NSD2: variants seen among roughly 807,000 people sequenced by gnomAD.
The protein encoded by NSD2 is histone-lysine N-methyltransferase NSD2.
A neutral mutation model predicts 139.0 loss-of-function variants in NSD2; 12 were observed. The ratio of observed to expected loss-of-function variants is 0.09; its 90% CI spans 0.06 to 0.14. NSD2 has a LOEUF of 0.14. NSD2 is among the 10% of genes least tolerant of loss of function. The pLI is 1.00. For synonymous variants in NSD2, 669 were observed against 648.7 expected (o/e 1.03, Z -0.48); for missense variants, 1,155 against 1,745.0 (o/e 0.66, Z 6.02).
At chr4:1,905,440 C>G (rs946487912) in intron 3 of NSD2, among the ~76,000 whole-genome samples, 2 of 152,238 alleles carry the variant, frequency 1.3e-5, no homozygotes, top group Admixed American at 1.3e-4. Context: ...CTTATGGCCC[C>G]TTGGTGGTCC....
Position 1,930,810 on chromosome 4 carries a change from A to G in NSD2, c.1555+40A>G. ...ATGCTGATGTCCTCTGCTTGGGTTGATGTGTGTAGTGTAGCAAGCTGAGCT... is the reference window on the plus strand; with the variant it reads ...ATGCTGATGTCCTCTGCTTGGGTTGGTGTGTGTAGTGTAGCAAGCTGAGCT... On this transcript the variant is annotated intron_variant, in intron 6 of 21. Transcript: ENST00000508803. 7 of 1,593,902 alleles carry G rather than the reference A, an allele frequency of 4.4e-6. 1 individual carries two copies. In the South Asian group the frequency reaches 8.0e-5, roughly 18 times the overall value.
At chr4:1,970,379 G>A (rs1352719153) in intron 18 of NSD2, among the ~76,000 whole-genome samples, 2 of 152,200 alleles carry the variant, frequency 1.3e-5, no homozygotes, top group Non-Finnish European at 2.9e-5. Flanking sequence ...AACAGCTACA[G>A]AGATGCAGGT....
At chr4:1,924,019 A>C (rs962542652) in intron 5 of NSD2, among the ~76,000 whole-genome samples, 1 of 152,142 alleles carries the variant, frequency 6.6e-6, no homozygotes, top group Admixed American at 6.6e-5. Context: ...CAAGAGGTCT[A>C]TCCAGGCAGG....
At chr4:1,875,257 C>T (rs1258005597) in intron 1 of NSD2, among the ~76,000 whole-genome samples, 2 of 151,498 alleles carry the variant, frequency 1.3e-5, no homozygotes, top group Non-Finnish European at 2.9e-5. Context: ...CTGTGCCCGG[C>T]CAAGTTGCAG....
Position 1,978,856 on chromosome 4 carries a change from A to C in NSD2, c.4045A>C (p.Lys1349Gln), listed in dbSNP as rs1727433498. ...EKPPPEPGKP[K>Q]GKRRRRRGWR... ...GCCCCCCCCAGAGCCAGGGAAGCCG[A>C]AGGGGAAGAGGCGGCGGCGGAGGGG... Residue 1349 changes from lysine (K) to glutamine (Q), a missense_variant, in exon 22 of 22, where the codon AAG becomes CAG. Transcript: ENST00000508803. 6.2e-7 allele frequency: 1 copy of C among 1,600,818 alleles called. No individual in the cohort carries two copies. Among genetic ancestry groups the C allele is most frequent in the Non-Finnish European group, 8.5e-7 (1 of 1,171,016 alleles).
chr4:1,917,001 T>C lies in NSD2; in HGVS notation c.891T>C (p.Ser297=). Residue 297 remains serine, a synonymous_variant, in exon 4 of 22, where the codon AGT becomes AGC. Transcript: ENST00000508803. ...AGTTTGAAAAATTATGCCAGGAAAG[T>C]GCCAAGCAGGCACCCACGAAAGCTG... ...EGQFEKLCQE[S]AKQAPTKAEK... 1 of 1,614,056 alleles carries C rather than the reference T, an allele frequency of 6.2e-7. No homozygotes were observed. Among genetic ancestry groups the C allele is most frequent in the Non-Finnish European group, 8.5e-7 (1 of 1,179,956 alleles).
At chr4:1,935,400 A>G in intron 7 of NSD2, 138 bp downstream of exon 7, 1 of 650,088 alleles carries the variant, frequency 1.5e-6, no homozygotes, top group Non-Finnish European at 2.7e-6. Context: ...TATTCAGCAG[A>G]AGGCTTGCAT....
Position 1,872,591 on chromosome 4 carries a change from T to TGAGAGAGAGAGAGAGAGAGAGAGAGAGA in NSD2, c.-30+1067_-30+1094dup, listed in dbSNP as rs1200688066. ...GTGTGTGTGTGTGTGTGTGTGTGTGTGAGAGAGAGAGAGAGAGAGAGAGAG... is the reference window on the plus strand; with the variant it reads ...GTGTGTGTGTGTGTGTGTGTGTGTGTGAGAGAGAGAGAGAGAGAGAGAGAGAGAGAGAGAGAGAGAGAGAGAGAGAGAG... On this transcript the variant is annotated intron_variant, in intron 1 of 21. Transcript: ENST00000508803. 8.5e-4 allele frequency among the ~76,000 whole-genome samples: 38 copies of TGAGAGAGAGAGAGAGAGAGAGAGAGAGA among 44,876 alleles called. 1 individual carries two copies. Among genetic ancestry groups the TGAGAGAGAGAGAGAGAGAGAGAGAGAGA allele is most frequent in the Middle Eastern group, 0.011 (1 of 94 alleles). 29.4% of individuals were successfully genotyped at this position (44,876 alleles called of 152,430 possible).
intron 1 of NSD2, among the ~76,000 whole-genome samples, chr4:1,886,194 C>G (rs1000617003): frequency 6.6e-6 from 1 of 152,144 alleles, no homozygotes; most frequent in African/African-American, 2.4e-5. Flanking sequence ...TCTGCTCTTT[C>G]AGCTGTTTCC....
At chr4:1,940,892 C>G in intron 9 of NSD2, 2 of 1,057,568 alleles carry the variant, frequency 1.9e-6, no homozygotes, top group East Asian at 5.3e-5. Context: ...GCTTGCCACT[C>G]TGAATCCTCA....
intron 7 of NSD2, 129 bp downstream of exon 7, chr4:1,935,391 A>G: frequency 1.5e-6 from 1 of 675,874 alleles, no homozygotes; most frequent in Non-Finnish European, 2.6e-6. Flanking sequence ...CCAGGCTGGT[A>G]TTCAGCAGAA....
intron 2 of NSD2, among the ~76,000 whole-genome samples, chr4:1,901,577 G>T (rs1267300744): frequency 6.6e-6 from 1 of 152,218 alleles, no homozygotes; most frequent in South Asian, 2.1e-4. Flanking sequence ...GCTTGACAAC[G>T]TCAGGCTACA....
Position 1,974,517 on chromosome 4 carries a change from G to A in NSD2, c.3373-346G>A, listed in dbSNP as rs372296910. ...GCGTGAGCCACTGCGCCCAGCCAGGGTGAGTCTTGTTCTTGTCCTTGAGTG... is the reference window on the plus strand; with the variant it reads ...GCGTGAGCCACTGCGCCCAGCCAGGATGAGTCTTGTTCTTGTCCTTGAGTG... On this transcript the variant is annotated intron_variant, in intron 18 of 21. Coordinates refer to ENST00000508803, the MANE Select transcript of NSD2 (RefSeq NM_001042424.3). This position sits in a 1 kb window ranked among gnomAD's most constrained non-coding sequence, Gnocchi z 4.0. 2 of 409,052 alleles carry A rather than the reference G, an allele frequency of 4.9e-6. No homozygotes were observed. Among genetic ancestry groups the A allele is most frequent in the African/African-American group, 2.0e-5 (1 of 49,514 alleles). The allele number at this position is 409,052 out of a possible 1,614,324, so 25.3% of individuals were successfully genotyped here.
chr4:1,903,722 T>A (rs888489553), intron 2 of NSD2, among the ~76,000 whole-genome samples: 5 of 150,524 alleles, frequency 3.3e-5, no homozygotes, highest in African/African-American at 1.2e-4. Context: ...TAGCTGAGAG[T>A]GAGAGAGAAA....
At chr4:1,876,346 C>T (rs1241490613) in intron 1 of NSD2, among the ~76,000 whole-genome samples, 1 of 152,082 alleles carries the variant, frequency 6.6e-6, no homozygotes, top group African/African-American at 2.4e-5. Context: ...ACAAAATATA[C>T]AAGGATAGAA....
At chr4:1,945,585 TG>T (rs1723544155) in intron 9 of NSD2, 21 of 1,065,380 alleles carry the variant, frequency 2.0e-5, no homozygotes, top group Non-Finnish European at 2.4e-5. Context: ...CTGATGTGAG[TG>T]TGTGGCACCT....
intron 5 of NSD2, 63 bp from the exon 6 acceptor site, chr4:1,930,563 A>C: frequency 6.7e-7 from 1 of 1,498,264 alleles, no homozygotes; most frequent in Non-Finnish European, 8.9e-7. Context: ...GATTTCATGC[A>C]AAACAAAACC....
intron 1 of NSD2, among the ~76,000 whole-genome samples, chr4:1,877,661 G>A (rs899090668): frequency 6.6e-5 from 10 of 152,004 alleles, no homozygotes; most frequent in African/African-American, 2.2e-4. Flanking sequence ...CTTTTCCATC[G>A]TCACCCACTC....
intron 3 of NSD2, among the ~76,000 whole-genome samples, chr4:1,909,263 C>A (rs893066215): frequency 3.3e-5 from 5 of 151,260 alleles, no homozygotes; most frequent in Non-Finnish European, 5.9e-5. Flanking sequence ...TTTCCCACCA[C>A]CCCCCCCAAC....
Sources: gnomAD v4.1 joint callset for allele counts (sites outside exome capture counted in the v4.1 genomes callset) on GRCh38, gnomAD v4.1.1 for gene constraint, Gnocchi (gnomAD v3.1) non-coding constraint, MANE v1.5 for transcripts, NCBI Gene and HGNC (gene_info 2026-07-23, HGNC 2026-07-21) for gene names.